Variants in DLC1 observed in about 807,000 individuals in gnomAD.
DLC1 encodes the protein rho GTPase-activating protein 7.
In DLC1, 54 loss-of-function variants were observed where a neutral mutation model predicts 140.3. The observed-to-expected ratio is 0.38, with a 90% CI of 0.31 to 0.48. The LOEUF is 0.48. Ranked by LOEUF, DLC1 falls within the 20% of genes least tolerant of loss-of-function variation. The probability of loss-of-function intolerance (pLI) is 0.96; values close to 1 mark genes in which losing one functional copy is unlikely to be tolerated. For synonymous variants in DLC1, 986 were observed against 728.1 expected (o/e 1.35, Z -5.70); for missense variants, 2,536 against 1,907.0 (o/e 1.33, Z -6.14).
chr8:13,107,974 G>T (rs1819723049), intron 7 of DLC1, among the ~76,000 whole-genome samples: 2 of 152,138 alleles, frequency 1.3e-5, no homozygotes, highest in African/African-American at 2.4e-5. Flanking sequence ...GAACCTGGGA[G>T]GCGGAGGTTG....
At chr8:13,590,627 C>CAA (rs1205495638) in intron 1 of DLC1, among the ~76,000 whole-genome samples, 3 of 151,984 alleles carry the variant, frequency 2.0e-5, no homozygotes, top group Non-Finnish European at 4.4e-5. Flanking sequence ...CTGGGAGCTT[C>CAA]AAAATATTCT....
intron 1 of DLC1, among the ~76,000 whole-genome samples, chr8:13,538,074 T>A (rs975149397): frequency 2.0e-5 from 3 of 152,200 alleles, no homozygotes; most frequent in African/African-American, 7.2e-5. Flanking sequence ...TAATTACTAA[T>A]GCATATTTAC....
intron 4 of DLC1, among the ~76,000 whole-genome samples, chr8:13,371,015 C>G (rs1248023895): frequency 1.3e-5 from 2 of 152,126 alleles, no homozygotes; most frequent in African/African-American, 4.8e-5. Context: ...ACCATACGAA[C>G]TAAGTATTAT....
intron 5 of DLC1, among the ~76,000 whole-genome samples, chr8:13,297,436 C>G (rs1280884085): frequency 6.6e-6 from 1 of 151,842 alleles, no homozygotes; most frequent in Non-Finnish European, 1.5e-5. Context: ...TGCTAAACCC[C>G]ATAAAACAGC....
At chr8:13,238,942 G>A (rs1585980558) in intron 5 of DLC1, among the ~76,000 whole-genome samples, 2 of 152,150 alleles carry the variant, frequency 1.3e-5, no homozygotes, top group East Asian at 3.9e-4. Flanking sequence ...GGGTGTAGGG[G>A]GAAAGTGCAC....
chr8:13,099,613 G>T lies in DLC1; in HGVS notation c.2724C>A (p.Asp908Glu). Residue 908 changes from aspartate (D) to glutamate (E), a missense_variant, in exon 9 of 18, where the codon GAC (aspartate) becomes GAA (glutamate). By Grantham distance (45) the Asp-to-Glu change is conservative. Coordinates refer to ENST00000276297, the MANE Select transcript of DLC1 (RefSeq NM_182643.3). The part of the protein sequence containing the change: ...ENEDIFPELD[D>E]ILYHVKGMQR... ...GCATCCCCTTCACGTGGTAGAGGATGTCGTCCAGCTCGGGGAAGATGTCCT... is the reference window on the plus strand; with the variant it reads ...GCATCCCCTTCACGTGGTAGAGGATTTCGTCCAGCTCGGGGAAGATGTCCT... The T allele has an allele frequency of 6.2e-7, 1 of 1,614,216 alleles. No individual in the cohort carries two copies. Among genetic ancestry groups the T allele is most frequent in the Non-Finnish European group, 8.5e-7 (1 of 1,180,042 alleles).
At chr8:13,366,277 A>C (rs1303083352) in intron 4 of DLC1, among the ~76,000 whole-genome samples, 1 of 152,164 alleles carries the variant, frequency 6.6e-6, no homozygotes. Flanking sequence ...TCTGGATTGT[A>C]ATCTACTTTA....
chr8:13,515,521 G>C (rs898460687), upstream of DLC1: 1 of 152,178 alleles, frequency 6.6e-6, no homozygotes, highest in Non-Finnish European at 1.5e-5. Flanking sequence ...GCTCCATCTT[G>C]ATCGTATTAG....
intron 5 of DLC1, among the ~76,000 whole-genome samples, chr8:13,264,523 G>A (rs1389969092): frequency 3.3e-5 from 5 of 152,110 alleles, no homozygotes; most frequent in African/African-American, 1.2e-4. Flanking sequence ...AATGTGTAAC[G>A]AGTATAAAGC....
intron 5 of DLC1, chr8:13,276,154 A>G: frequency 7.7e-6 from 11 of 1,421,896 alleles, no homozygotes; most frequent in Non-Finnish European, 1.0e-5. Context: ...AACTTCAACC[A>G]GCTGATGAGA....
intron 4 of DLC1, among the ~76,000 whole-genome samples, chr8:13,328,041 C>G (rs1277604902): frequency 6.6e-6 from 1 of 152,152 alleles, no homozygotes; most frequent in East Asian, 1.9e-4. Flanking sequence ...ATAGAAAAGA[C>G]TAGCTGGAAT....
intron 5 of DLC1, among the ~76,000 whole-genome samples, chr8:13,269,701 C>CAAAAAAAAAAAAAAAAAAAAAAA (rs57030004): frequency 1.0e-5 from 1 of 99,478 alleles, no homozygotes; most frequent in African/African-American, 4.1e-5. Flanking sequence ...AAAACTCTGT[C>CAAAAAAAAAAAAAAAAAAAAAAA]AAAAAAAAAA....
intron 2 of DLC1, among the ~76,000 whole-genome samples, chr8:13,413,421 T>C (rs1207386745): frequency 6.6e-6 from 1 of 151,668 alleles, no homozygotes; most frequent in African/African-American, 2.4e-5. Context: ...TCTCTCTCTC[T>C]CCTACACACA....
upstream of DLC1, among the ~76,000 whole-genome samples, chr8:13,518,601 C>T (rs1802668504): frequency 6.6e-6 from 1 of 152,192 alleles, no homozygotes; most frequent in African/African-American, 2.4e-5. Context: ...TAGTGTTTTA[C>T]TCTTTTATGA....
chr8:13,461,792 C>G (rs11785480), intron 2 of DLC1, among the ~76,000 whole-genome samples: 1 of 151,978 alleles, frequency 6.6e-6, no homozygotes, highest in Non-Finnish European at 1.5e-5. Context: ...GGAGCCTCAT[C>G]TCTCCTCTCT....
intron 5 of DLC1, among the ~76,000 whole-genome samples, chr8:13,242,426 C>G (rs1285579525): frequency 1.3e-5 from 2 of 151,152 alleles, no homozygotes; most frequent in Non-Finnish European, 1.5e-5. Flanking sequence ...GACAAGGTCT[C>G]TCTCTGTTGC....
chr8:13,130,125 C>A (rs528315974), intron 5 of DLC1, among the ~76,000 whole-genome samples: 43 of 152,274 alleles, frequency 2.8e-4, no homozygotes, highest in African/African-American at 9.9e-4. Flanking sequence ...GCATATTTAC[C>A]CGCTTAAGTC....
Position 13,267,729 on chromosome 8 carries a change from AGTGTGTGTGTGT to A in DLC1, c.1348+37528_1348+37539del, listed in dbSNP as rs58701617. On this transcript the variant is annotated intron_variant, in intron 5 of 17. Transcript: ENST00000276297. ...CTTTGAAGTCATGTGATTCCTGAGG[AGTGTGTGTGTGT>A]GTGTGTGTGTGTGTGTGTGTGTGTG... 3.8e-3 allele frequency among the ~76,000 whole-genome samples: 534 copies of A among 140,498 alleles called. 4 individuals are homozygous for A. The highest frequency in any genetic ancestry group is 0.029 in the South Asian group (120 of 4,106). The allele number at this position is 140,498 out of a possible 152,430, so 92.2% of individuals were successfully genotyped here. A position where few individuals can be genotyped will look rare whatever the true frequency, so the allele number is the denominator to read the frequency against.
At chr8:13,492,913 G>A (rs984328808) in intron 2 of DLC1, among the ~76,000 whole-genome samples, 5 of 152,210 alleles carry the variant, frequency 3.3e-5, no homozygotes, top group East Asian at 3.9e-4. Context: ...AGGTTAAATG[G>A]CATGAAATTA....
Sources: gnomAD v4.1 joint callset for allele counts (sites outside exome capture counted in the v4.1 genomes callset) on GRCh38, gnomAD v4.1.1 for gene constraint, MANE v1.5 for transcripts, NCBI Gene and HGNC (gene_info 2026-07-23, HGNC 2026-07-21) for gene names.